ATM: variants seen among roughly 807,000 people sequenced by gnomAD.
The protein encoded by ATM is ATM serine/threonine kinase.
ATM carries 308 observed loss-of-function variants against 387.0 expected under a neutral mutation model. That is an observed-to-expected ratio of 0.80 (90% CI 0.73 to 0.87). The LOEUF is 0.87. Ranked by LOEUF, ATM falls within the 40% of genes least tolerant of loss-of-function variation. The probability of loss-of-function intolerance (pLI) is 0.00; values close to 1 mark genes in which losing one functional copy is unlikely to be tolerated. For missense variants in ATM, 3,312 were observed against 3,560.9 expected, an observed-to-expected ratio of 0.93 and a Z score of 1.78; for synonymous variants, 1,156 against 1,187.3, an observed-to-expected ratio of 0.97 and a Z score of 0.54.
At chr11:108,228,737 A>C (rs1181729381) in intron 3 of ATM, among the ~76,000 whole-genome samples, 2 of 152,224 alleles carry the variant, frequency 1.3e-5, no homozygotes, top group Non-Finnish European at 2.9e-5. Flanking sequence ...GTATAAGCTG[A>C]TCTGGTAGGT....
Position 108,327,643 on chromosome 11 carries a change from A to C in ATM, c.6976-2A>C, listed in dbSNP as rs587782403. On this transcript the variant is annotated splice_acceptor_variant, in intron 47 of 62. Transcript: ENST00000675843. LOFTEE classifies it high-confidence loss of function. ...TTTTAAGATTTTGCCTTTCTTATAC[A>C]GAACAATCCCAGCCTAAAACTTACA... 5.6e-6 allele frequency: 9 copies of C among 1,612,802 alleles called. No homozygotes were observed. Among genetic ancestry groups the C allele is most frequent in the Non-Finnish European group, 7.6e-6 (9 of 1,178,946 alleles).
At chr11:108,326,328 TTAG>T in intron 47 of ATM, 103 bp downstream of exon 47, 1 of 1,404,094 alleles carries the variant, frequency 7.1e-7, no homozygotes, top group Non-Finnish European at 9.7e-7. Flanking sequence ...AGCCTTGAAA[TTAG>T]TAATTTATTA....
At chr11:108,257,304 A>G (rs2080557933) in intron 14 of ATM, among the ~76,000 whole-genome samples, 177 bp from the exon 15 acceptor site, 2 of 152,194 alleles carry the variant, frequency 1.3e-5, no homozygotes, top group Admixed American at 6.5e-5. Context: ...AAAAATTGTT[A>G]ATGAGTTTTG....
rs768305533 is a variant in ATM, at chr11:108,267,348, T to C, written c.2638+6T>C. 9 of 1,613,310 alleles carry C rather than the reference T, an allele frequency of 5.6e-6. No homozygotes were observed. The Admixed American group carries it at 1.0e-4, about 18-fold the overall frequency. ...AGAGAGCCAAAGTACCATAGGTAAA[T>C]ACATATTTACTACTTGGGATTTCTT... On this transcript the variant is annotated splice_donor_region_variant and intron_variant, in intron 17 of 62. Transcript: ENST00000675843.
At chr11:108,333,564 A>G (rs1031182594) in intron 53 of ATM, among the ~76,000 whole-genome samples, 1 of 152,258 alleles carries the variant, frequency 6.6e-6, no homozygotes, top group Non-Finnish European at 1.5e-5. Context: ...TTTAATGGTA[A>G]TGTGACAGGA....
At chr11:108,238,912 A>G (rs2079429136) in intron 5 of ATM, among the ~76,000 whole-genome samples, 1 of 152,144 alleles carries the variant, frequency 6.6e-6, no homozygotes, top group Non-Finnish European at 1.5e-5. Flanking sequence ...TCCACCATCC[A>G]TCTCCAGAAC....
At chr11:108,365,265 C>T (rs765392992) in intron 62 of ATM, 47 bp downstream of exon 62, 2 of 1,614,162 alleles carry the variant, frequency 1.2e-6, no homozygotes, top group Non-Finnish European at 1.7e-6. Context: ...TTCAGATTTT[C>T]TTATTCCCAA....
In ATM at chr11:108,256,238, C is replaced by T. The variant is rs1800701; in HGVS notation, c.2148C>T (p.Val716=). ...AGATTACAAATTCAGAAACTCTTGT[C>T]CGGTGTTCACGTCTTTTGGTGGGTG... ...SSEITNSETL[V]RCSRLLVGVL... is the part of the protein sequence containing the mutation. The change falls in exon 14 of 63, where the codon GTC becomes GTT. Residue 716 remains valine (V), a synonymous_variant. Coordinates refer to ENST00000675843, the MANE Select transcript of ATM (RefSeq NM_000051.4). 2 of 1,607,628 alleles carry T rather than the reference C, an allele frequency of 1.2e-6. No homozygotes were observed. Among genetic ancestry groups the T allele is most frequent in the East Asian group, 4.5e-5 (2 of 44,622 alleles).
chr11:108,287,907 A>G (rs1215200419), intron 27 of ATM, among the ~76,000 whole-genome samples, 192 bp downstream of exon 27: 1 of 151,896 alleles, frequency 6.6e-6, no homozygotes, highest in Non-Finnish European at 1.5e-5. Context: ...CACAGTAATT[A>G]CTCTTTCTAA....
intron 9 of ATM, among the ~76,000 whole-genome samples, chr11:108,249,569 A>G (rs538560617): frequency 1.3e-5 from 2 of 152,350 alleles, no homozygotes. Context: ...ACGTTCACAT[A>G]TATTTAAGTA....
At chr11:108,361,505 A>G (rs1371805821) in intron 61 of ATM, among the ~76,000 whole-genome samples, 3 of 152,066 alleles carry the variant, frequency 2.0e-5, no homozygotes, top group African/African-American at 7.2e-5. Flanking sequence ...TCCTAAGCCA[A>G]AAGAACAAAG....
chr11:108,254,750 C>T (rs990524279), intron 13 of ATM, among the ~76,000 whole-genome samples: 1 of 152,100 alleles, frequency 6.6e-6, no homozygotes, highest in African/African-American at 2.4e-5. Context: ...TCTTCCAGTT[C>T]AAGCAATTCT....
At chr11:108,244,676 T>G (rs1199090558) in intron 6 of ATM, 112 bp from the exon 7 acceptor site, 1 of 883,188 alleles carries the variant, frequency 1.1e-6, no homozygotes, top group Non-Finnish European at 1.9e-6. Flanking sequence ...GACTACTGTT[T>G]GAAAATTAGG....
chr11:108,243,486 G>A (rs1271821781), intron 5 of ATM, among the ~76,000 whole-genome samples: 1 of 151,996 alleles, frequency 6.6e-6, no homozygotes, highest in Non-Finnish European at 1.5e-5. Flanking sequence ...GGTTTTGTGC[G>A]CCTGTGGTCC....
intron 16 of ATM, among the ~76,000 whole-genome samples, chr11:108,261,059 G>A (rs1487785292): frequency 6.6e-6 from 1 of 152,192 alleles, no homozygotes; most frequent in African/African-American, 2.4e-5. Flanking sequence ...CGAGGCTGGG[G>A]GAGGGATGCC....
At position 108,354,821 on chromosome 11, in the gene ATM, A is replaced by G. The variant is rs587779875; in HGVS notation, c.8797A>G (p.Lys2933Glu). ...VEGVFRRCCE[K>E]TMEVMRNSQE... ...TGTGTTTGACTCTAGATGCTGTGAGAAAACCATGGAAGTGATGAGAAACTC... is the reference window on the plus strand; with the variant it reads ...TGTGTTTGACTCTAGATGCTGTGAGGAAACCATGGAAGTGATGAGAAACTC... The change falls in exon 61 of 63, where the codon AAA (lysine) becomes GAA (glutamate). Residue 2933 changes from lysine (K) to glutamate (E), a missense_variant. Transcript: ENST00000675843. 3.7e-6 allele frequency: 6 copies of G among 1,613,820 alleles called. No homozygotes were observed. The East Asian group carries it at 1.3e-4, about 36-fold the overall frequency.
At chr11:108,254,546 C>G (rs2080355121) in intron 13 of ATM, among the ~76,000 whole-genome samples, 2 of 152,142 alleles carry the variant, frequency 1.3e-5, no homozygotes, top group South Asian at 4.1e-4. Flanking sequence ...CCAAAACTTG[C>G]ATTTTTTAAA....
chr11:108,234,784 T>C (rs549318006), intron 4 of ATM, among the ~76,000 whole-genome samples: 1 of 152,052 alleles, frequency 6.6e-6, no homozygotes, highest in Non-Finnish European at 1.5e-5. Context: ...GAGGCTGCTG[T>C]TGGGTGTGAT....
chr11:108,247,237 A>T (rs1203593645), intron 8 of ATM, 110 bp downstream of exon 8: 1 of 997,976 alleles, frequency 1.0e-6, no homozygotes, highest in African/African-American at 1.6e-5. Flanking sequence ...CTATAAAATG[A>T]CTCTGTACAT....
Sources: gnomAD v4.1 joint callset for allele counts (sites outside exome capture counted in the v4.1 genomes callset) on GRCh38, gnomAD v4.1.1 for gene constraint, MANE v1.5 for transcripts, NCBI Gene and HGNC (gene_info 2026-07-23, HGNC 2026-07-21) for gene names.